The following CFAP52 variants were observed in gnomAD, a reference collection of about 807,000 sequenced individuals.
CFAP52 encodes the protein cilia and flagella associated protein 52.
In CFAP52, 57 loss-of-function variants were observed where a neutral mutation model predicts 70.5. That is an observed-to-expected ratio of 0.81 (90% confidence interval 0.65 to 1.01). The LOEUF is 1.01. CFAP52 is among the 50% of genes least tolerant of loss of function. The pLI, the probability that CFAP52 is intolerant of heterozygous loss-of-function variation, is 0.00. For synonymous variants in CFAP52, 267 were observed against 292.5 expected, an observed-to-expected ratio of 0.91 and a Z score of 0.89; for missense variants, 785 against 788.5, an observed-to-expected ratio of 1.00 and a Z score of 0.05.
chr17:9,599,744 CTTTT>C (rs563733904), intron 5 of CFAP52, among the ~76,000 whole-genome samples: 1 of 147,210 alleles, frequency 6.8e-6, no homozygotes, highest in African/African-American at 2.5e-5. Flanking sequence ...TTTTCTTCTT[CTTTT>C]TTTTTTTCCT....
intron 6 of CFAP52, among the ~76,000 whole-genome samples, chr17:9,603,229 T>A (rs548569133): frequency 6.6e-6 from 1 of 152,276 alleles, no homozygotes; most frequent in Admixed American, 6.5e-5. Context: ...TATTTTTTGA[T>A]ACAGAGTCTC....
chr17:9,636,941 A>G (rs1910834019), intron 11 of CFAP52, among the ~76,000 whole-genome samples: 1 of 152,120 alleles, frequency 6.6e-6, no homozygotes. Flanking sequence ...GCTACTCAGG[A>G]GGCTGAGGCA....
At chr17:9,586,079 T>C in intron 2 of CFAP52, 107 bp downstream of exon 2, 1 of 1,134,454 alleles carries the variant, frequency 8.8e-7, no homozygotes, top group East Asian at 2.4e-5. Flanking sequence ...GCTTTATTCT[T>C]CCTTCTTCTT....
At chr17:9,640,796 A>C (rs1328649191) in intron 12 of CFAP52, among the ~76,000 whole-genome samples, 1 of 152,006 alleles carries the variant, frequency 6.6e-6, no homozygotes, top group Non-Finnish European at 1.5e-5. Flanking sequence ...GGTGTGTGCC[A>C]CCACATCCAG....
intron 1 of CFAP52, among the ~76,000 whole-genome samples, chr17:9,582,961 A>T (rs939239252): frequency 6.6e-6 from 1 of 152,128 alleles, no homozygotes; most frequent in African/African-American, 2.4e-5. Context: ...TTTTCACATA[A>T]CTGGGTAAAT....
At chr17:9,589,602 A>C (rs1330974435) in intron 3 of CFAP52, among the ~76,000 whole-genome samples, 2 of 151,778 alleles carry the variant, frequency 1.3e-5, no homozygotes, top group African/African-American at 4.8e-5. Flanking sequence ...GCATGGTGGC[A>C]GGCGCCTGTA....
chr17:9,628,864 G>A (rs765507258), intron 9 of CFAP52, 44 bp downstream of exon 9: 2 of 1,611,372 alleles, frequency 1.2e-6, no homozygotes, highest in Non-Finnish European at 1.7e-6. Flanking sequence ...TCTAGCTGCG[G>A]TTTTGATTCT....
chr17:9,608,898 C>T (rs181649965), intron 7 of CFAP52, among the ~76,000 whole-genome samples: 8 of 152,210 alleles, frequency 5.3e-5, no homozygotes, highest in Non-Finnish European at 7.4e-5. Flanking sequence ...TATGTACACA[C>T]GAAAGAAGTC....
At chr17:9,586,968 C>A in intron 3 of CFAP52, 134 bp downstream of exon 3, 1 of 1,122,002 alleles carries the variant, frequency 8.9e-7, no homozygotes, top group Non-Finnish European at 1.2e-6. Context: ...TTTCATCAAC[C>A]AGGTGCTCAG....
chr17:9,579,924 G>T (rs559647033), intron 1 of CFAP52, among the ~76,000 whole-genome samples: 41 of 152,240 alleles, frequency 2.7e-4, no homozygotes, highest in African/African-American at 9.9e-4. Context: ...GACACTTGTA[G>T]GTATTGCATT....
In CFAP52 at chr17:9,585,890, A is replaced by C. The variant is rs1005563430; in HGVS notation, c.188A>C (p.His63Pro). The change falls in exon 2 of 14, where the codon CAT becomes CCT. Residue 63 changes from histidine (H) to proline (P), a missense_variant. Coordinates refer to ENST00000352665, the MANE Select transcript of CFAP52 (RefSeq NM_145054.5). The stretch of plus-strand genomic sequence containing the variant: ...AAAGAGCAGAACTTCCTACAGGGTC[A>C]TGGCAACAACGTCTCCTGCTTGGCC... ...NTKEQNFLQGHGNNVSCLAIS... is the reference protein window; with the variant it reads ...NTKEQNFLQGPGNNVSCLAIS... 1.9e-5 allele frequency: 31 copies of C among 1,613,648 alleles called. No homozygotes were observed. The highest frequency in any genetic ancestry group is 2.5e-5 in the Non-Finnish European group (30 of 1,179,940).
chr17:9,614,860 C>T (rs1340228162), intron 8 of CFAP52, among the ~76,000 whole-genome samples: 1 of 152,182 alleles, frequency 6.6e-6, no homozygotes, highest in African/African-American at 2.4e-5. Context: ...GGCAAAATTA[C>T]CCCTAGCTGA....
chr17:9,628,430 C>G (rs1051890177), intron 8 of CFAP52, among the ~76,000 whole-genome samples: 5 of 151,998 alleles, frequency 3.3e-5, no homozygotes, highest in South Asian at 4.2e-4. Context: ...CAGGCATGCA[C>G]CACCATACCC....
At chr17:9,622,984 T>C (rs528144748) in intron 8 of CFAP52, among the ~76,000 whole-genome samples, 1 of 152,336 alleles carries the variant, frequency 6.6e-6, no homozygotes, top group South Asian at 2.1e-4. Context: ...GTTAGTGTCA[T>C]ACAGATCTTC....
chr17:9,608,606 T>C (rs1276243574), intron 7 of CFAP52, among the ~76,000 whole-genome samples: 3 of 152,234 alleles, frequency 2.0e-5, no homozygotes, highest in African/African-American at 7.2e-5. Flanking sequence ...GGGTACCTAT[T>C]ATGTGCAAAG....
intron 12 of CFAP52, among the ~76,000 whole-genome samples, chr17:9,641,223 G>A (rs1911041536): frequency 6.6e-6 from 1 of 152,150 alleles, no homozygotes; most frequent in Non-Finnish European, 1.5e-5. Context: ...GAATATTTCA[G>A]TGCTTTGGAG....
At chr17:9,636,625 G>A (rs1222319934) in intron 11 of CFAP52, among the ~76,000 whole-genome samples, 1 of 152,066 alleles carries the variant, frequency 6.6e-6, no homozygotes, top group Non-Finnish European at 1.5e-5. Flanking sequence ...ACGAGGCACT[G>A]CCTCTATATC....
In CFAP52 at chr17:9,631,028, A is replaced by AAGAAAGAGAGAGAGAG. The variant is rs1555544250; in HGVS notation, c.1175-1857_1175-1856insAAGAGAGAGAGAGAGA. Among the ~76,000 whole-genome samples the AAGAAAGAGAGAGAGAG allele has an allele frequency of 3.1e-4, 14 of 44,724 alleles. No individual in the cohort carries two copies. In the East Asian group the frequency reaches 6.2e-3, roughly 20 times the overall value. 29.3% of individuals were successfully genotyped at this position (44,724 alleles called of 152,430 possible). On this transcript the variant is annotated intron_variant, in intron 9 of 13. Coordinates refer to ENST00000352665, the MANE Select transcript of CFAP52 (RefSeq NM_145054.5). ...AAAGAAAGAAAGAAAGAAAGAAAGA[A>AAGAAAGAGAGAGAGAG]AGAGAGAGAGAGAGAGAGAGAGAGA...
chr17:9,596,059 G>GTGTGTGTGTATATA (rs1555541607), intron 4 of CFAP52, among the ~76,000 whole-genome samples: 29 of 85,208 alleles, frequency 3.4e-4, no homozygotes, highest in Non-Finnish European at 5.4e-4. Context: ...ATATGTGTGT[G>GTGTGTGTGTATATA]TATATATATA....
Sources: allele counts gnomAD v4.1 joint callset (sites outside exome capture counted in the v4.1 genomes callset), GRCh38; gene constraint gnomAD v4.1.1; transcripts MANE v1.5; gene names NCBI Gene and HGNC (gene_info 2026-07-23, HGNC 2026-07-21).